SLC38A8: variants seen among roughly 807,000 people sequenced by gnomAD.
SLC38A8 encodes the protein solute carrier family 38 member 8.
In SLC38A8, 65 loss-of-function variants were observed where a neutral mutation model predicts 46.0. The observed-to-expected ratio is 1.41, with a 90% CI of 1.16 to 1.74. The LOEUF is 1.74. Among genes scored for constraint, SLC38A8 ranks in the 40% most tolerant of loss-of-function variants. The probability of loss-of-function intolerance (pLI) is 0.00; values close to 1 mark genes in which losing one functional copy is unlikely to be tolerated. For missense variants in SLC38A8, 998 were observed against 567.9 expected, an observed-to-expected ratio of 1.76 and a Z score of -7.70; for synonymous variants, 447 against 243.7, an observed-to-expected ratio of 1.83 and a Z score of -7.77.
chr16:84,014,410 G>C (rs113469545), intron 9 of SLC38A8, among the ~76,000 whole-genome samples: 6 of 151,310 alleles, frequency 4.0e-5, no homozygotes, highest in Admixed American at 1.3e-4. Context: ...CTCAGAGCAT[G>C]CAGGAGCAGC....
chr16:84,017,388 T>C, intron 7 of SLC38A8, 101 bp from the exon 8 acceptor site: 3 of 1,385,140 alleles, frequency 2.2e-6, no homozygotes, highest in Non-Finnish European at 3.0e-6. Flanking sequence ...ACCTAAGATT[T>C]TCCTTAGGAG....
chr16:84,025,158 A>ATGT (rs2085147040), intron 6 of SLC38A8, among the ~76,000 whole-genome samples: 1 of 151,636 alleles, frequency 6.6e-6, no homozygotes, highest in African/African-American at 2.4e-5. Flanking sequence ...CCGGGCGGGG[A>ATGT]TGCTTTTTCC....
rs1321519437 is a variant in SLC38A8, at chr16:84,036,832, G to A, written c.258C>T (p.Ala86=). 1.9e-6 allele frequency: 3 copies of A among 1,613,972 alleles called. No homozygotes were observed. Among genetic ancestry groups the A allele is most frequent in the East Asian group, 2.2e-5 (1 of 44,880 alleles). ...GCCCCCTGACCACACCCTGGTAGGT[G>A]GCCTGGCCACTGACAGCAGCAGCAT... ...LGYAAAVSGQ[A]TYQGVVRGLC... is the part of the protein sequence containing the mutation. The change falls in exon 3 of 11, where the codon GCC becomes GCT. Residue 86 remains alanine, a synonymous_variant. Transcript: ENST00000299709.
At chr16:84,012,957 T>C in intron 10 of SLC38A8, 44 bp downstream of exon 10, 1 of 1,604,696 alleles carries the variant, frequency 6.2e-7, no homozygotes, top group Non-Finnish European at 8.5e-7. Context: ...CTTACTCTGA[T>C]CCGGGGCACA....
chr16:84,033,638 A>G (rs2085271500), intron 3 of SLC38A8, among the ~76,000 whole-genome samples, 169 bp from the exon 4 acceptor site: 1 of 152,258 alleles, frequency 6.6e-6, no homozygotes, highest in Admixed American at 6.5e-5. Flanking sequence ...TGCCCCACGC[A>G]GGAACAAACC....
chr16:84,028,631 C>G (rs77199437), intron 6 of SLC38A8, among the ~76,000 whole-genome samples: 4,218 of 151,170 alleles, frequency 0.028, 239 homozygotes, highest in African/African-American at 0.097. Context: ...AGGAGGGCTG[C>G]GGGAACCCAT....
intron 10 of SLC38A8, among the ~76,000 whole-genome samples, chr16:84,011,069 G>A (rs2084947205): frequency 7.2e-5 from 11 of 152,324 alleles, no homozygotes; most frequent in Admixed American, 7.2e-4. Context: ...AGACCAGAAG[G>A]CCGGGTTGTC....
chr16:84,020,394 C>G (rs1210188267), intron 7 of SLC38A8, among the ~76,000 whole-genome samples: 1 of 152,178 alleles, frequency 6.6e-6, no homozygotes, highest in Admixed American at 6.5e-5. Flanking sequence ...AGTCCTTTCA[C>G]CTCAGCCTCC....
At chr16:84,010,922 G>A (rs772761299) in intron 10 of SLC38A8, among the ~76,000 whole-genome samples, 2 of 152,092 alleles carry the variant, frequency 1.3e-5, no homozygotes, top group Non-Finnish European at 2.9e-5. Context: ...AGAGGTGGCT[G>A]GGACTGGCAG....
At chr16:84,025,850 G>A (rs11866872) in intron 6 of SLC38A8, among the ~76,000 whole-genome samples, 65,833 of 152,154 alleles carry the variant, frequency 0.43, 14,751 homozygotes, top group East Asian at 0.61. Context: ...CAGGCACCGC[G>A]CACCCCTGCT....
At chr16:84,031,996 C>T (rs767422040) in intron 4 of SLC38A8, 28 bp from the exon 5 acceptor site, 55 of 1,592,060 alleles carry the variant, frequency 3.5e-5, no homozygotes, top group South Asian at 1.4e-4. Context: ...TGAGGGGCTG[C>T]GCAGTGGGTG....
intron 5 of SLC38A8, 29 bp from the exon 6 acceptor site, chr16:84,029,580 T>C (rs1033347685): frequency 1.2e-6 from 2 of 1,611,638 alleles, no homozygotes; most frequent in African/African-American, 2.7e-5. Flanking sequence ...AGGAGTTTAT[T>C]AAAGAAGGGT....
rs898231060 is a variant in SLC38A8 at position 84,029,438 on chromosome 16, G to A, written c.690+56C>T. ...AACCAAGGTTTCCCAAGGGAGCAGA[G>A]AGTCACCCACAGCCTCTGCAAACGC... On this transcript the variant is annotated intron_variant, in intron 6 of 10. Coordinates refer to ENST00000299709, the MANE Select transcript of SLC38A8 (RefSeq NM_001080442.3). 13 of 1,586,238 alleles carry A rather than the reference G, an allele frequency of 8.2e-6. No homozygotes were observed. In the African/African-American group the frequency reaches 1.5e-4, roughly 18 times the overall value.
At chr16:84,033,774 G>A (rs1012096541) in intron 3 of SLC38A8, among the ~76,000 whole-genome samples, 1 of 152,186 alleles carries the variant, frequency 6.6e-6, no homozygotes, top group African/African-American at 2.4e-5. Context: ...ACATTCTGGT[G>A]AAAGACTCTT....
chr16:84,042,968 C>G (rs1456906704), upstream of SLC38A8, among the ~76,000 whole-genome samples: 1 of 152,174 alleles, frequency 6.6e-6, no homozygotes, highest in Non-Finnish European at 1.5e-5. Context: ...CTCATGGCAG[C>G]TTCTGCAGCG....
At chr16:84,011,923 G>C (rs112366012) in intron 10 of SLC38A8, among the ~76,000 whole-genome samples, 1 of 152,112 alleles carries the variant, frequency 6.6e-6, no homozygotes, top group South Asian at 2.1e-4. Flanking sequence ...TTTCTGAGAC[G>C]CAGAGACACA....
intron 9 of SLC38A8, among the ~76,000 whole-genome samples, chr16:84,015,518 G>C (rs1166906884): frequency 2.0e-5 from 3 of 152,062 alleles, no homozygotes; most frequent in South Asian, 2.1e-4. Flanking sequence ...ACCAGCGGTA[G>C]CATGGACAGA....
At chr16:84,039,010 C>T (rs980140748) in intron 2 of SLC38A8, among the ~76,000 whole-genome samples, 3 of 152,154 alleles carry the variant, frequency 2.0e-5, no homozygotes, top group African/African-American at 7.2e-5. Context: ...AAGGGGTTTG[C>T]CTCTATCATT....
At chr16:84,033,181 T>G in intron 4 of SLC38A8, 147 bp downstream of exon 4, 3 of 1,063,200 alleles carry the variant, frequency 2.8e-6, no homozygotes, top group Non-Finnish European at 2.8e-6. Context: ...CATGCATACA[T>G]TTTACTTGTA....
Sources: allele counts gnomAD v4.1 joint callset (sites outside exome capture counted in the v4.1 genomes callset), GRCh38; gene constraint gnomAD v4.1.1; transcripts MANE v1.5; gene names NCBI Gene and HGNC (gene_info 2026-07-23, HGNC 2026-07-21).